PGAP4: variants seen among roughly 807,000 people sequenced by gnomAD.
PGAP4 encodes GPI-N-acetylgalactosamine transferase PGAP4.
Under a neutral mutation model 28.2 loss-of-function variants are expected in PGAP4, and 12 were observed. That is an observed-to-expected ratio of 0.42 (90% CI 0.27 to 0.69). PGAP4 has a LOEUF of 0.69. PGAP4 is among the 30% of genes least tolerant of loss of function. The probability of loss-of-function intolerance (pLI) is 0.22; values close to 1 mark genes in which losing one functional copy is unlikely to be tolerated. For missense variants in PGAP4, 425 were observed against 513.5 expected (o/e 0.83, Z 1.67); for synonymous variants, 205 against 211.8 (o/e 0.97, Z 0.28).
chr9:101,528,907 T>C (rs1334772123), intron 2 of PGAP4, among the ~76,000 whole-genome samples: 1 of 152,042 alleles, frequency 6.6e-6, no homozygotes, highest in East Asian at 1.9e-4. Context: ...TAAGCCTAGT[T>C]CTCGTTAGTT....
chr9:101,510,345 G>A (rs780706276), intron 2 of PGAP4, among the ~76,000 whole-genome samples: 40 of 151,958 alleles, frequency 2.6e-4, no homozygotes, highest in Non-Finnish European at 4.0e-4. Context: ...TTGATGAAGC[G>A]GTGTCCTTCA....
At chr9:101,489,716 A>T (rs1458875745), upstream of PGAP4, among the ~76,000 whole-genome samples, 3 of 152,188 alleles carry the variant, frequency 2.0e-5, no homozygotes, top group Admixed American at 6.5e-5. Flanking sequence ...AGAGCCCTTG[A>T]TGCAATCCAT....
At chr9:101,514,009 C>CT (rs75808649) in intron 2 of PGAP4, among the ~76,000 whole-genome samples, 23,757 of 145,574 alleles carry the variant, frequency 0.16, 2,299 homozygotes, top group East Asian at 0.36. Flanking sequence ...CTTTTCTCTT[C>CT]TTTTTTTTTT....
At position 101,486,220 on chromosome 9, in the gene PGAP4, A is replaced by C. The variant is rs1184671462; in HGVS notation, c.-78+729T>G. On this transcript the variant is annotated intron_variant, in intron 1 of 1. Coordinates refer to ENST00000374848, the MANE Select transcript of PGAP4 (RefSeq NM_032342.3). This position sits in a 1 kb window ranked among gnomAD's most constrained non-coding sequence, Gnocchi z 4.7. ...CCTCTTGGAAAAAGAATGGGGGACG[A>C]TGTCCAGGGCCCTGGATCTAGTGTC... 6.6e-6 allele frequency among the ~76,000 whole-genome samples: 1 copy of C among 152,132 alleles called. No homozygotes were observed. Among genetic ancestry groups the C allele is most frequent in the Admixed American group, 6.5e-5 (1 of 15,278 alleles).
At chr9:101,533,076 T>G (rs1014859001) in exon 1 of PGAP4, 2 of 151,728 alleles carry the variant, frequency 1.3e-5, no homozygotes, top group Admixed American at 1.3e-4. Context: ...GAATGGAAAA[T>G]AGCAGTTTGT....
At chr9:101,493,915 G>A (rs529338639) in intron 2 of PGAP4, among the ~76,000 whole-genome samples, 2 of 152,004 alleles carry the variant, frequency 1.3e-5, no homozygotes, top group South Asian at 2.1e-4. Flanking sequence ...TCGGTCTATA[G>A]GTATATAACA....
chr9:101,478,798 C>T (rs370865672), intron 1 of PGAP4, among the ~76,000 whole-genome samples: 39 of 152,298 alleles, frequency 2.6e-4, no homozygotes, highest in Non-Finnish European at 3.8e-4. Flanking sequence ...ATGTCCCTTC[C>T]GCTGCCCACC....
At chr9:101,505,477 G>T (rs1826842067) in intron 2 of PGAP4, among the ~76,000 whole-genome samples, 1 of 152,052 alleles carries the variant, frequency 6.6e-6, no homozygotes, top group Admixed American at 6.6e-5. Context: ...CGGTATGATT[G>T]ATAGGAGTCC....
rs1291116519 is a variant in PGAP4 at position 101,476,627 on chromosome 9, T to G, written c.466A>C (p.Lys156Gln). The G allele has an allele frequency of 6.2e-7, 1 of 1,614,174 alleles. No individual in the cohort carries two copies. The highest frequency in any genetic ancestry group is 1.7e-5 in the Admixed American group (1 of 60,030). Residue 156 changes from lysine to glutamine, a missense_variant, in exon 2 of 2, where the codon AAG (lysine) becomes CAG (glutamine). Coordinates refer to ENST00000374848, the MANE Select transcript of PGAP4 (RefSeq NM_032342.3). This position sits in a 1 kb window ranked among gnomAD's most constrained non-coding sequence, Gnocchi z 7.0. The part of the protein sequence containing the change: ...VERSVSHFDA[K>Q]LLSKYVPVAN... ...ACAGGGACATACTTGGAGAGCAACT[T>G]GGCATCAAAATGGCTCACACTACGC...
intron 2 of PGAP4, among the ~76,000 whole-genome samples, chr9:101,506,911 A>T (rs1252315239): frequency 1.3e-5 from 2 of 152,092 alleles, no homozygotes; most frequent in Non-Finnish European, 2.9e-5. Flanking sequence ...TTTGTTGAGG[A>T]TTTACAAACC....
chr9:101,476,117 C>G lies in PGAP4; in HGVS notation c.976G>C (p.Val326Leu). Residue 326 changes from valine to leucine, a missense_variant, in exon 2 of 2, where the codon GTG (valine) becomes CTG (leucine). Val to Leu is a conservative substitution (Grantham distance 32, BLOSUM62 1). Coordinates refer to ENST00000374848, the MANE Select transcript of PGAP4 (RefSeq NM_032342.3). The surrounding 1 kb of genome is among the most constrained non-coding windows in gnomAD (Gnocchi z 7.0). ...LRRLSPSLYS[V>L]VPASQCCTPA... ...GTGCAACACTGAGAGGCAGGAACCA[C>G]ACTGTACAGGGAAGGACTCAGCCGC... 6.2e-7 allele frequency: 1 copy of G among 1,614,072 alleles called. No homozygotes were observed. The highest frequency in any genetic ancestry group is 8.5e-7 in the Non-Finnish European group (1 of 1,179,978).
At chr9:101,491,262 T>C (rs1045402753), upstream of PGAP4, among the ~76,000 whole-genome samples, 8 of 152,122 alleles carry the variant, frequency 5.3e-5, no homozygotes, top group Admixed American at 3.9e-4. Flanking sequence ...CAGAAATCTC[T>C]ACAGAAGACA....
At chr9:101,511,878 G>C (rs1026016092) in intron 2 of PGAP4, among the ~76,000 whole-genome samples, 1 of 152,064 alleles carries the variant, frequency 6.6e-6, no homozygotes, top group African/African-American at 2.4e-5. Context: ...TCAGACCTAG[G>C]ATGGGATAGT....
Position 101,486,736 on chromosome 9 carries a change from C to T in PGAP4, c.-78+213G>A, listed in dbSNP as rs555848711. Among the ~76,000 whole-genome samples, 1 of 152,256 alleles carries T rather than the reference C, an allele frequency of 6.6e-6. No homozygotes were observed. The highest frequency in any genetic ancestry group is 2.4e-5 in the African/African-American group (1 of 41,562). On this transcript the variant is annotated intron_variant, in intron 1 of 1. Transcript: ENST00000374848. The surrounding 1 kb of genome is among the most constrained non-coding windows in gnomAD (Gnocchi z 4.7). Reference sequence around the variant, plus strand: ...GTCCTCGCAATCCTCCGGCAGGAAGCGGTCGGAGCTGCGGGCAGGGCCGCT... The same window carrying T: ...GTCCTCGCAATCCTCCGGCAGGAAGTGGTCGGAGCTGCGGGCAGGGCCGCT...
chr9:101,485,583 A>T (rs1826594706), intron 1 of PGAP4, among the ~76,000 whole-genome samples: 1 of 152,186 alleles, frequency 6.6e-6, no homozygotes, highest in South Asian at 2.1e-4. Flanking sequence ...CACCTACAGA[A>T]ATGCAAAAGG....
intron 2 of PGAP4, among the ~76,000 whole-genome samples, chr9:101,527,129 A>G (rs1431678332): frequency 1.3e-5 from 2 of 152,200 alleles, no homozygotes; most frequent in South Asian, 2.1e-4. Flanking sequence ...GCTGAGTGCT[A>G]CAAGTATCAC....
Position 101,527,892 on chromosome 9 carries a change from C to A in PGAP4, c.-165+3456G>T, listed in dbSNP as rs537285543. 1.3e-3 allele frequency among the ~76,000 whole-genome samples: 195 copies of A among 152,244 alleles called. 1 individual carries two copies. The highest frequency in any genetic ancestry group is 4.4e-3 in the African/African-American group (183 of 41,518). On this transcript the variant is annotated intron_variant, in intron 2 of 3. Coordinates refer to the PGAP4 transcript ENST00000374851. ...CATGGATTCTTTAGAATTTAGTGAT[C>A]CATCTCATCATCTTGACTGCCCATT...
chr9:101,525,076 A>G (rs547074831), intron 2 of PGAP4, among the ~76,000 whole-genome samples: 74 of 152,190 alleles, frequency 4.9e-4, no homozygotes, highest in Non-Finnish European at 9.6e-4. Flanking sequence ...CAGTGAATAT[A>G]CGAGTGCATG....
In PGAP4 at chr9:101,476,559, G is replaced by T; in HGVS notation, c.534C>A (p.Asp178Glu). ...YEGTEDDYGD[D>E]PSTNSFEKEK... ...CTTTCTCAAACGAGTTGGTCGAAGG[G>T]TCATCACCATAATCATCCTCAGTGC... is the stretch of plus-strand genomic sequence containing the variant. Residue 178 changes from aspartate (D) to glutamate (E), a missense_variant, in exon 2 of 2, where the codon GAC becomes GAA. Coordinates refer to ENST00000374848, the MANE Select transcript of PGAP4 (RefSeq NM_032342.3). The surrounding 1 kb of genome is among the most constrained non-coding windows in gnomAD (Gnocchi z 7.0). 1.2e-6 allele frequency: 2 copies of T among 1,614,158 alleles called. No homozygotes were observed. Among genetic ancestry groups the T allele is most frequent in the Non-Finnish European group, 1.7e-6 (2 of 1,180,032 alleles).
Sources: allele counts gnomAD v4.1 joint callset (sites outside exome capture counted in the v4.1 genomes callset), GRCh38; gene constraint gnomAD v4.1.1; non-coding constraint Gnocchi (gnomAD v3.1); transcripts MANE v1.5; gene names NCBI Gene and HGNC (gene_info 2026-07-23, HGNC 2026-07-21).